The following CADM2 variants were observed in gnomAD, a reference collection of about 807,000 sequenced individuals.
The protein encoded by CADM2 is cell adhesion molecule 2.
CADM2 carries 12 observed loss-of-function variants against 49.8 expected under a neutral mutation model. That is an observed-to-expected ratio of 0.24 (90% CI 0.15 to 0.39). The LOEUF is 0.39. CADM2 is among the 10% of genes least tolerant of loss of function. The probability of loss-of-function intolerance (pLI) is 1.00; values close to 1 mark genes in which losing one functional copy is unlikely to be tolerated. For missense variants in CADM2, 378 were observed against 492.3 expected, an observed-to-expected ratio of 0.77 and a Z score of 2.20; for synonymous variants, 214 against 175.4, an observed-to-expected ratio of 1.22 and a Z score of -1.74.
intron 1 of CADM2, among the ~76,000 whole-genome samples, chr3:85,320,632 A>T (rs1007609563): frequency 6.6e-6 from 1 of 152,188 alleles, no homozygotes; most frequent in African/African-American, 2.4e-5. Context: ...ATTTATATTG[A>T]GACAAAAATA....
At chr3:86,058,397 G>A (rs1738242752) in intron 8 of CADM2, among the ~76,000 whole-genome samples, 1 of 151,802 alleles carries the variant, frequency 6.6e-6, no homozygotes, top group Non-Finnish European at 1.5e-5. Context: ...ATTCTTCTAA[G>A]CCATTTCAGA....
intron 1 of CADM2, among the ~76,000 whole-genome samples, chr3:85,095,662 C>T (rs1192517687): frequency 6.6e-6 from 1 of 152,100 alleles, no homozygotes; most frequent in Non-Finnish European, 1.5e-5. Context: ...AACTAATAAC[C>T]TAAGGCTTCT....
At chr3:85,594,135 A>G (rs1304929738) in intron 1 of CADM2, among the ~76,000 whole-genome samples, 1 of 151,950 alleles carries the variant, frequency 6.6e-6, no homozygotes, top group African/African-American at 2.4e-5. Flanking sequence ...CTTTAAAATT[A>G]TAATCTTTGA....
At chr3:85,028,572 A>G (rs554342989) in intron 1 of CADM2, among the ~76,000 whole-genome samples, 23 of 152,304 alleles carry the variant, frequency 1.5e-4, no homozygotes, top group Middle Eastern at 6.8e-3. Context: ...TCTGAATACA[A>G]AACTCTCTGG....
At chr3:85,155,854 G>A (rs891017791) in intron 1 of CADM2, among the ~76,000 whole-genome samples, 11 of 152,122 alleles carry the variant, frequency 7.2e-5, no homozygotes, top group East Asian at 1.9e-4. Context: ...GGTACATAAC[G>A]AAATGAAGGC....
rs377317941 is a variant in CADM2 at position 85,611,782 on chromosome 3, T to C, written c.62-114740T>C. 8.6e-5 allele frequency among the ~76,000 whole-genome samples: 13 copies of C among 150,760 alleles called. No individual in the cohort carries two copies. The Admixed American group carries it at 8.6e-4, about 10-fold the overall frequency. On this transcript the variant is annotated intron_variant, in intron 1 of 9. Transcript: ENST00000383699. ...GCACACACAATTTGGAACATTGAAA[T>C]GGGAAGAAAATGTGTGTGTGTTGAG...
intron 3 of CADM2, among the ~76,000 whole-genome samples, chr3:85,837,385 C>T (rs2074457088): frequency 6.6e-6 from 1 of 151,390 alleles, no homozygotes; most frequent in Non-Finnish European, 1.5e-5. Context: ...ATATAAAAAA[C>T]ATTCTCCTTT....
At chr3:85,235,572 A>C (rs2042390166) in intron 1 of CADM2, among the ~76,000 whole-genome samples, 1 of 152,170 alleles carries the variant, frequency 6.6e-6, no homozygotes, top group Admixed American at 6.6e-5. Flanking sequence ...TTTATAATTT[A>C]CAAAGATATG....
intron 1 of CADM2, among the ~76,000 whole-genome samples, chr3:85,486,867 T>C (rs1006051896): frequency 2.0e-5 from 3 of 152,172 alleles, no homozygotes; most frequent in Non-Finnish European, 4.4e-5. Flanking sequence ...TCCAAAGGAA[T>C]GTAAGGTCAA....
intron 1 of CADM2, among the ~76,000 whole-genome samples, chr3:85,441,903 C>A (rs772796074): frequency 6.6e-6 from 1 of 151,764 alleles, no homozygotes; most frequent in African/African-American, 2.4e-5. Context: ...AAGTAAGGAA[C>A]AAAGAAGAGA....
intron 2 of CADM2, among the ~76,000 whole-genome samples, chr3:85,777,178 T>A (rs1197010569): frequency 6.6e-6 from 1 of 151,898 alleles, no homozygotes; most frequent in Non-Finnish European, 1.5e-5. Context: ...ATAAATTTTT[T>A]ATGACATTCT....
intron 1 of CADM2, among the ~76,000 whole-genome samples, chr3:85,354,439 C>T (rs1252837460): frequency 6.6e-6 from 1 of 151,230 alleles, no homozygotes; most frequent in Admixed American, 6.6e-5. Context: ...ACCAACATGG[C>T]ACATGTATAC....
chr3:85,265,911 C>G (rs903552610), intron 1 of CADM2, among the ~76,000 whole-genome samples: 3 of 151,818 alleles, frequency 2.0e-5, no homozygotes, highest in Non-Finnish European at 4.4e-5. Context: ...TTTCTGCCCT[C>G]CAGTATTAAG....
At chr3:85,991,657 G>A (rs776311300) in intron 8 of CADM2, among the ~76,000 whole-genome samples, 1 of 151,872 alleles carries the variant, frequency 6.6e-6, no homozygotes, top group Non-Finnish European at 1.5e-5. Flanking sequence ...AAATTATTAC[G>A]AGCATCAAAA....
rs2074984757 is a variant in CADM2, at chr3:85,848,867, G to GA, written c.239-34421dup. Among the ~76,000 whole-genome samples, 4 of 152,100 alleles carry GA rather than the reference G, an allele frequency of 2.6e-5. No homozygotes were observed. The South Asian group carries it at 8.3e-4, about 32-fold the overall frequency. On this transcript the variant is annotated intron_variant, in intron 3 of 9. Coordinates refer to ENST00000383699, the MANE Select transcript of CADM2 (RefSeq NM_001167675.2). Reference sequence around the variant, plus strand: ...ACTTCATTTCATCACAAACAAACTAGAAACAGATTTTTTTTTAGTCTGTAT... The same window carrying GA: ...ACTTCATTTCATCACAAACAAACTAGAAAACAGATTTTTTTTTAGTCTGTAT...
intron 7 of CADM2, among the ~76,000 whole-genome samples, chr3:85,937,209 C>A (rs1721273887): frequency 6.6e-6 from 1 of 151,854 alleles, no homozygotes; most frequent in Non-Finnish European, 1.5e-5. Context: ...AATGAATGTG[C>A]CTTCTTTTAA....
chr3:85,223,676 C>T (rs1422862578), intron 1 of CADM2, among the ~76,000 whole-genome samples: 1 of 152,044 alleles, frequency 6.6e-6, no homozygotes, highest in Non-Finnish European at 1.5e-5. Context: ...CATAGGTATA[C>T]ATGTGCCATG....
intron 1 of CADM2, among the ~76,000 whole-genome samples, chr3:85,148,398 T>G (rs1299655034): frequency 2.0e-5 from 3 of 152,220 alleles, no homozygotes; most frequent in African/African-American, 7.2e-5. Flanking sequence ...ATCTTTCCAG[T>G]TACCTTATGT....
At chr3:85,965,383 G>A (rs902966729) in intron 8 of CADM2, among the ~76,000 whole-genome samples, 3 of 150,370 alleles carry the variant, frequency 2.0e-5, no homozygotes, top group African/African-American at 4.9e-5. Context: ...ACTCAGCAAA[G>A]TGCCAGTTAT....
Sources: gnomAD v4.1 joint callset for allele counts (sites outside exome capture counted in the v4.1 genomes callset) on GRCh38, gnomAD v4.1.1 for gene constraint, MANE v1.5 for transcripts, NCBI Gene and HGNC (gene_info 2026-07-23, HGNC 2026-07-21) for gene names.